Variants in EBLN1 observed in about 807,000 individuals in gnomAD.
EBLN1 encodes the protein endogenous Bornavirus-like nucleoprotein 1.
A neutral mutation model predicts 0.8 loss-of-function variants in EBLN1; 1 was observed. That is an observed-to-expected ratio of 1.32 (90% confidence interval 0.47 to 6.26). The LOEUF is 6.26. Ranked by LOEUF, EBLN1 falls within the 30% of genes most tolerant of loss-of-function variation. The pLI is 0.15. For synonymous variants in EBLN1, 158 were observed against 158.5 expected, an observed-to-expected ratio of 1.00 and a Z score of 0.02; for missense variants, 396 against 447.9, an observed-to-expected ratio of 0.88 and a Z score of 1.05.
rs1229998205 is a variant in EBLN1, at chr10:22,209,701, T to G, written c.283A>C (p.Ser95Arg). The G allele has an allele frequency of 1.3e-6, 2 of 1,535,782 alleles. No homozygotes were observed. The highest frequency in any genetic ancestry group is 2.7e-5 in the African/African-American group (2 of 73,058). The change falls in exon 3 of 3, where the codon AGT becomes CGT. Residue 95 changes from serine to arginine, a missense_variant. Ser to Arg is a moderately radical substitution (Grantham distance 110, BLOSUM62 -1). Coordinates refer to ENST00000422359, the MANE Select transcript of EBLN1 (RefSeq NM_001394757.1). Reference sequence around the variant, plus strand: ...TTAGACCTTTTGCTCACACCGACACTGAGTAGTGCCTTGTGTAATCCATCG... The same window carrying G: ...TTAGACCTTTTGCTCACACCGACACGGAGTAGTGCCTTGTGTAATCCATCG... ...IFDGLHKALLSVGVSKRSNIV... is the reference protein window; with the variant it reads ...IFDGLHKALLRVGVSKRSNIV...
chr10:22,215,967 T>C (rs1218762773), intron 1 of EBLN1, among the ~76,000 whole-genome samples: 1 of 152,190 alleles, frequency 6.6e-6, no homozygotes, highest in Non-Finnish European at 1.5e-5. Flanking sequence ...CTGTTAGAAC[T>C]ATGTTTAACT....
intron 1 of EBLN1, among the ~76,000 whole-genome samples, chr10:22,217,130 TA>T (rs557023420): frequency 1.0e-3 from 154 of 152,268 alleles, no homozygotes; most frequent in South Asian, 5.4e-3. Flanking sequence ...TGTATATATA[TA>T]TTTTTTTGTT....
At chr10:22,214,621 T>C (rs1834777654) in intron 1 of EBLN1, among the ~76,000 whole-genome samples, 1 of 152,230 alleles carries the variant, frequency 6.6e-6, no homozygotes, top group African/African-American at 2.4e-5. Flanking sequence ...TTTCTGCAAG[T>C]ATACAAGGTT....
chr10:22,211,743 T>TCCCACGCTAC (rs1252692723), intron 2 of EBLN1, among the ~76,000 whole-genome samples: 24 of 152,000 alleles, frequency 1.6e-4, no homozygotes, highest in African/African-American at 1.9e-4. Context: ...TCTGGCCTCA[T>TCCCACGCTAC]CCCACGCTAC....
Position 22,213,875 on chromosome 10 carries a change from A to T in EBLN1, c.-168-910T>A, listed in dbSNP as rs1433209185. 6.6e-5 allele frequency among the ~76,000 whole-genome samples: 10 copies of T among 152,348 alleles called. No individual in the cohort carries two copies. The East Asian group carries it at 1.9e-3, about 29-fold the overall frequency. On this transcript the variant is annotated intron_variant, in intron 1 of 2. Coordinates refer to ENST00000422359, the MANE Select transcript of EBLN1 (RefSeq NM_001394757.1). The stretch of plus-strand genomic sequence containing the variant: ...AGTCACTAAGAAATGTTTGAAAAAG[A>T]TGATTAATTAAATATGAGGTGCTGG...
chr10:22,210,341 C>G (rs1328848132), intron 2 of EBLN1, among the ~76,000 whole-genome samples: 1 of 152,112 alleles, frequency 6.6e-6, no homozygotes, highest in Admixed American at 6.5e-5. Flanking sequence ...ACTCAATCAT[C>G]AAGATCAGTA....
At position 22,216,375 on chromosome 10, in the gene EBLN1, G is replaced by C. The variant is rs545902442; in HGVS notation, c.-169+1541C>G. On this transcript the variant is annotated intron_variant, in intron 1 of 2. Coordinates refer to ENST00000422359, the MANE Select transcript of EBLN1 (RefSeq NM_001394757.1). ...CAACTATATTTACAGTAAACATTTA[G>C]TCTTCAAACTGTTTCAATCTAGATT... is the stretch of plus-strand genomic sequence containing the variant. 7.9e-5 allele frequency among the ~76,000 whole-genome samples: 12 copies of C among 152,108 alleles called. No homozygotes were observed. In the South Asian group the frequency reaches 1.9e-3, roughly 24 times the overall value.
At chr10:22,216,612 G>A (rs1437121732) in intron 1 of EBLN1, among the ~76,000 whole-genome samples, 1 of 152,134 alleles carries the variant, frequency 6.6e-6, no homozygotes, top group Admixed American at 6.5e-5. Flanking sequence ...TAGAATATTT[G>A]TTTGAAATAT....
chr10:22,215,917 T>C (rs1488097142), intron 1 of EBLN1, among the ~76,000 whole-genome samples: 1 of 152,076 alleles, frequency 6.6e-6, no homozygotes, highest in Non-Finnish European at 1.5e-5. Flanking sequence ...TATTACAAGA[T>C]ATCAAGAGAA....
At chr10:22,215,579 C>T (rs1311180162) in intron 1 of EBLN1, among the ~76,000 whole-genome samples, 1 of 152,128 alleles carries the variant, frequency 6.6e-6, no homozygotes, top group East Asian at 1.9e-4. Flanking sequence ...GCAAAACAGA[C>T]ATTCTCATAT....
In EBLN1 at chr10:22,210,022, A is replaced by G; in HGVS notation, c.-39T>C. On this transcript the variant is annotated 5_prime_UTR_variant, in exon 3 of 3. Transcript: ENST00000422359. ...TTCTGTGATTTTCACACAATTTTGT[A>G]CTGTACTAAAAAAATATAGAGAATG... The G allele has an allele frequency of 7.4e-7, 1 of 1,352,304 alleles. No individual in the cohort carries two copies. The highest frequency in any genetic ancestry group is 9.5e-7 in the Non-Finnish European group (1 of 1,055,870). 83.8% of individuals were successfully genotyped at this position (1,352,304 alleles called of 1,614,324 possible).
chr10:22,216,069 T>C (rs1588586233), intron 1 of EBLN1, among the ~76,000 whole-genome samples: 1 of 152,044 alleles, frequency 6.6e-6, no homozygotes, highest in African/African-American at 2.4e-5. Flanking sequence ...GTAACAACAA[T>C]GTAAAGCACT....
At chr10:22,211,217 G>T (rs1245250313) in intron 2 of EBLN1, among the ~76,000 whole-genome samples, 2 of 152,124 alleles carry the variant, frequency 1.3e-5, no homozygotes, top group Non-Finnish European at 2.9e-5. Context: ...ATAGGCTTTT[G>T]ATTTGGGTGG....
chr10:22,215,581 T>A (rs1041277064), intron 1 of EBLN1, among the ~76,000 whole-genome samples: 4 of 152,174 alleles, frequency 2.6e-5, no homozygotes, highest in African/African-American at 4.8e-5. Context: ...AAAACAGACA[T>A]TCTCATATAC....
chr10:22,212,628 T>C (rs1834763602), intron 2 of EBLN1, among the ~76,000 whole-genome samples: 1 of 152,060 alleles, frequency 6.6e-6, no homozygotes, highest in Non-Finnish European at 1.5e-5. Flanking sequence ...GAAGTCTTTA[T>C]ACACATACTC....
Position 22,209,360 on chromosome 10 carries a change from T to C in EBLN1, c.624A>G (p.Thr208=), listed in dbSNP as rs754937725. 1 of 1,605,574 alleles carries C rather than the reference T, an allele frequency of 6.2e-7. No homozygotes were observed. The highest frequency in any genetic ancestry group is 8.5e-7 in the Non-Finnish European group (1 of 1,179,852). The change falls in exon 3 of 3, where the codon ACA becomes ACG. Residue 208 remains threonine (T), a synonymous_variant. Transcript: ENST00000422359. ...SRPWVGGLMF[T]FLFGEFESPA... is the part of the protein sequence containing the mutation. ...GGGATTCAAATTCTCCAAATAGAAA[T>C]GTGAACATTAATCCTCCAACCCATG... is the stretch of plus-strand genomic sequence containing the variant.
intron 1 of EBLN1, among the ~76,000 whole-genome samples, chr10:22,217,697 T>C (rs571724833): frequency 1.3e-5 from 2 of 152,272 alleles, no homozygotes; most frequent in African/African-American, 4.8e-5. Flanking sequence ...TAACCATAAA[T>C]TCGTAAAATT....
intron 2 of EBLN1, among the ~76,000 whole-genome samples, chr10:22,210,573 C>T (rs1356551048): frequency 6.6e-6 from 1 of 152,130 alleles, no homozygotes; most frequent in African/African-American, 2.4e-5. Flanking sequence ...TTTCAGTATG[C>T]CTTCACACAG....
chr10:22,210,367 C>A (rs1032733767), intron 2 of EBLN1, among the ~76,000 whole-genome samples: 1 of 152,146 alleles, frequency 6.6e-6, no homozygotes, highest in Non-Finnish European at 1.5e-5. Context: ...GTAATGTCAT[C>A]TTTTAAAACA....
Sources: allele counts gnomAD v4.1 joint callset (sites outside exome capture counted in the v4.1 genomes callset), GRCh38; gene constraint gnomAD v4.1.1; transcripts MANE v1.5; gene names NCBI Gene and HGNC (gene_info 2026-07-23, HGNC 2026-07-21).